Variants in COX7A2L observed in about 807,000 individuals in gnomAD.
The protein encoded by COX7A2L is cytochrome c oxidase subunit 7A2-like, mitochondrial.
COX7A2L carries 18 observed loss-of-function variants against 14.2 expected under a neutral mutation model. The observed-to-expected ratio is 1.27, with a 90% CI of 0.88 to 1.88. The LOEUF (loss-of-function observed/expected upper bound fraction) is 1.88, where lower values mean the gene tolerates loss of function less well. COX7A2L is among the 40% of genes most tolerant of loss of function. The pLI is 0.00. For missense variants in COX7A2L, 179 were observed against 138.8 expected, an observed-to-expected ratio of 1.29 and a Z score of -1.46; for synonymous variants, 65 against 57.4, an observed-to-expected ratio of 1.13 and a Z score of -0.60.
At chr2:42,337,999 C>A (rs547594581) in intron 2 of COX7A2L, among the ~76,000 whole-genome samples, 36 of 152,250 alleles carry the variant, frequency 2.4e-4, no homozygotes, top group Non-Finnish European at 4.6e-4. Flanking sequence ...ATGAGGGAAG[C>A]CTAGGCGAGG....
rs139507287 is a variant in COX7A2L, at chr2:42,357,336, T to C, written c.72+3754A>G. Reference sequence around the variant, plus strand: ...TTGTTTTGTTTTGTTTATAGATAGATCTTACACTGTCACCCACGCTGGAGT... The same window carrying C: ...TTGTTTTGTTTTGTTTATAGATAGACCTTACACTGTCACCCACGCTGGAGT... On this transcript the variant is annotated intron_variant, in intron 1 of 2. Transcript: ENST00000234301. 4.8e-3 allele frequency among the ~76,000 whole-genome samples: 727 copies of C among 152,286 alleles called. 5 individuals are homozygous for C. Among genetic ancestry groups the C allele is most frequent in the Non-Finnish European group, 8.4e-3 (569 of 68,010 alleles).
intron 2 of COX7A2L, among the ~76,000 whole-genome samples, chr2:42,336,904 G>C (rs1572780561): frequency 2.0e-5 from 3 of 152,138 alleles, no homozygotes; most frequent in Admixed American, 6.5e-5. Flanking sequence ...CTAGTGCAAG[G>C]AACTGTGTGG....
At chr2:42,348,849 C>T (rs964868862), downstream of COX7A2L, among the ~76,000 whole-genome samples, 5 of 151,894 alleles carry the variant, frequency 3.3e-5, no homozygotes, top group Non-Finnish European at 7.4e-5. Context: ...ACGTGAGAGG[C>T]GGAGATTGCA....
intron 1 of COX7A2L, among the ~76,000 whole-genome samples, chr2:42,360,672 T>C: frequency 6.6e-6 from 1 of 151,922 alleles, no homozygotes; most frequent in Non-Finnish European, 1.5e-5. Flanking sequence ...CCGCGCTCTC[T>C]AATCTCGAGC....
chr2:42,351,445 C>A, intron 2 of COX7A2L, 86 bp from the exon 3 acceptor site: 1 of 1,478,668 alleles, frequency 6.8e-7, no homozygotes, highest in South Asian at 1.3e-5. Context: ...TTTGTCTACT[C>A]GGTAAGTAAT....
At position 42,361,143 on chromosome 2, in the gene COX7A2L, C is replaced by A. The variant is rs140344601; in HGVS notation, c.19G>T (p.Gly7Cys). 2.5e-6 allele frequency: 4 copies of A among 1,613,782 alleles called. No homozygotes were observed. The South Asian group carries it at 4.4e-5, about 18-fold the overall frequency. ...GCTCCTGCCAACTTCTGCGTGAAGC[C>A]ACTAAACTTGTAGTACATGACGCCC... MYYKFS[G>C]FTQKLAGAWA... is the part of the protein sequence containing the mutation. The change falls in exon 1 of 3, where the codon GGC becomes TGC. Residue 7 changes from glycine (G) to cysteine (C), a missense_variant. Coordinates refer to ENST00000234301, the MANE Select transcript of COX7A2L (RefSeq NM_004718.4).
intron 1 of COX7A2L, among the ~76,000 whole-genome samples, chr2:42,358,741 C>T (rs149683247): frequency 1.4e-3 from 206 of 152,308 alleles, no homozygotes; most frequent in African/African-American, 4.8e-3. Context: ...GTAATCTCTG[C>T]TGAGCGCCCA....
intron 2 of COX7A2L, among the ~76,000 whole-genome samples, chr2:42,343,695 G>A (rs1160589175): frequency 1.3e-5 from 2 of 152,210 alleles, no homozygotes; most frequent in Non-Finnish European, 2.9e-5. Context: ...ATAACCTCTA[G>A]CTATTGAAGA....
chr2:42,340,739 T>C (rs1297126820), intron 2 of COX7A2L, among the ~76,000 whole-genome samples: 1 of 151,986 alleles, frequency 6.6e-6, no homozygotes, highest in African/African-American at 2.4e-5. Context: ...CTGCCATTCC[T>C]CCTCTCACCT....
Position 42,339,809 on chromosome 2 carries a change from C to A in COX7A2L, c.193-5940G>T, listed in dbSNP as rs926806935. Among the ~76,000 whole-genome samples the A allele has an allele frequency of 2.0e-5, 3 of 152,090 alleles. No individual in the cohort carries two copies. The highest frequency in any genetic ancestry group is 7.2e-5 in the African/African-American group (3 of 41,396). On this transcript the variant is annotated intron_variant, in intron 2 of 2. Transcript: ENST00000468711. The surrounding 1 kb of genome is among the most constrained non-coding windows in gnomAD (Gnocchi z 5.4). ...GGCAGCCTCGACTCTGCCCTCCTGT[C>A]GCCACTGAAGACTTTGGTTTGGTTT...
downstream of COX7A2L, among the ~76,000 whole-genome samples, chr2:42,348,998 G>C (rs1670556505): frequency 6.6e-6 from 1 of 152,082 alleles, no homozygotes; most frequent in Non-Finnish European, 1.5e-5. Context: ...AAACAAAAAG[G>C]AACTGCATGT....
chr2:42,349,771 A>G lies in COX7A2L; in HGVS notation c.*1448T>C, dbSNP rs1670581231. ...AACTGCATTATGGTTATAAAGGAAC[A>G]CATGTCCTTACTCAGAAGATACCTG... On this transcript the variant is annotated 3_prime_UTR_variant, in exon 3 of 3. Coordinates refer to ENST00000234301, the MANE Select transcript of COX7A2L (RefSeq NM_004718.4). 2.0e-5 allele frequency: 3 copies of G among 152,214 alleles called. No homozygotes were observed. The South Asian group carries it at 6.2e-4, about 31-fold the overall frequency. 9.4% of individuals were successfully genotyped at this position (152,214 alleles called of 1,614,324 possible). A position where few individuals can be genotyped will look rare whatever the true frequency, so the allele number is the denominator to read the frequency against.
chr2:42,366,007 G>C (rs1328882531), upstream of COX7A2L: 4 of 152,204 alleles, frequency 2.6e-5, no homozygotes, highest in East Asian at 1.9e-4. Flanking sequence ...ATGGAAATTA[G>C]TGATCAAGTG....
At chr2:42,354,878 T>C (rs936000936) in intron 1 of COX7A2L, among the ~76,000 whole-genome samples, 1 of 152,248 alleles carries the variant, frequency 6.6e-6, no homozygotes, top group Non-Finnish European at 1.5e-5. Flanking sequence ...CCTTGTGAAG[T>C]GTCAGTATCA....
At chr2:42,365,992 C>G (rs1341359790), upstream of COX7A2L, 1 of 152,204 alleles carries the variant, frequency 6.6e-6, no homozygotes, top group Non-Finnish European at 1.5e-5. Flanking sequence ...AGTGCCCAGA[C>G]AGCCATGGAA....
chr2:42,343,229 TCA>T (rs1486105436), intron 2 of COX7A2L, among the ~76,000 whole-genome samples: 2 of 152,142 alleles, frequency 1.3e-5, no homozygotes, highest in Non-Finnish European at 2.9e-5. Flanking sequence ...ACCCCGCCAG[TCA>T]CAGAGAGCTC....
At chr2:42,347,307 C>CTTTT (rs10718452), downstream of COX7A2L, among the ~76,000 whole-genome samples, 1 of 135,038 alleles carries the variant, frequency 7.4e-6, no homozygotes, top group Non-Finnish European at 1.6e-5. Context: ...AAACCAGCAC[C>CTTTT]TTTTTTTTTT....
chr2:42,353,316 C>T lies in COX7A2L; in HGVS notation c.100G>A (p.Ala34Thr), dbSNP rs150177100. The change falls in exon 2 of 3, where the codon GCA (alanine) becomes ACA (threonine). Residue 34 changes from alanine to threonine, a missense_variant. Coordinates refer to ENST00000234301, the MANE Select transcript of COX7A2L (RefSeq NM_004718.4). ...QGLKPVVSTE[A>T]PPIIFATPTK... ...GGTGTGGCAAATATGATAGGTGGTG[C>T]TTCTGTGGAAACCACAGGCTTTAAT... The T allele has an allele frequency of 6.2e-6, 10 of 1,613,950 alleles. No individual in the cohort carries two copies. The highest frequency in any genetic ancestry group is 8.5e-6 in the Non-Finnish European group (10 of 1,179,928).
intron 2 of COX7A2L, chr2:42,352,971 C>A: frequency 1.8e-6 from 1 of 551,258 alleles, no homozygotes; most frequent in Non-Finnish European, 3.1e-6. Context: ...GCTATTCATG[C>A]CATTTCAAAA....
Sources: gnomAD v4.1 joint callset for allele counts (sites outside exome capture counted in the v4.1 genomes callset) on GRCh38, gnomAD v4.1.1 for gene constraint, Gnocchi (gnomAD v3.1) non-coding constraint, MANE v1.5 for transcripts, NCBI Gene and HGNC (gene_info 2026-07-23, HGNC 2026-07-21) for gene names.